Variants in EXD3 observed in about 807,000 individuals in gnomAD.
The protein encoded by EXD3 is exonuclease 3'-5' domain containing 3.
In EXD3, 92 loss-of-function variants were observed where a neutral mutation model predicts 98.0. The observed-to-expected ratio is 0.94, with a 90% CI of 0.79 to 1.12. The LOEUF is 1.12. Ranked by LOEUF, EXD3 falls within the 50% of genes most tolerant of loss-of-function variation. The probability of loss-of-function intolerance (pLI) is 0.00; values close to 1 mark genes in which losing one functional copy is unlikely to be tolerated. For missense variants in EXD3, 1,222 were observed against 1,191.6 expected, an observed-to-expected ratio of 1.03 and a Z score of -0.38; for synonymous variants, 569 against 526.0, an observed-to-expected ratio of 1.08 and a Z score of -1.12.
In EXD3 at chr9:137,324,603, TG is replaced by T. The variant is rs1176702575; in HGVS notation, c.1999-461del. On this transcript the variant is annotated intron_variant, in intron 17 of 21. Transcript: ENST00000340951. This position sits in a 1 kb window ranked among gnomAD's most constrained non-coding sequence, Gnocchi z 4.1. Reference sequence around the variant, plus strand: ...ACGTGGCTCTTCCCAAAGCTTTGTATGAACTGTGGCATAAAACAGATGGATC... The same window carrying T: ...ACGTGGCTCTTCCCAAAGCTTTGTATAACTGTGGCATAAAACAGATGGATC... 1.3e-5 allele frequency among the ~76,000 whole-genome samples: 2 copies of T among 152,224 alleles called. No individual in the cohort carries two copies. Among genetic ancestry groups the T allele is most frequent in the African/African-American group, 4.8e-5 (2 of 41,454 alleles).
At chr9:137,313,727 G>A (rs796272634) in intron 19 of EXD3, among the ~76,000 whole-genome samples, 1 of 152,200 alleles carries the variant, frequency 6.6e-6, no homozygotes, top group Non-Finnish European at 1.5e-5. Flanking sequence ...GGCAGGTCCA[G>A]GAGGAGTCAA....
intron 3 of EXD3, among the ~76,000 whole-genome samples, chr9:137,379,983 C>T (rs906254752): frequency 1.3e-5 from 2 of 151,966 alleles, no homozygotes; most frequent in African/African-American, 2.4e-5. Context: ...CCCCTGCCAG[C>T]CTCAGGGTCC....
intron 10 of EXD3, chr9:137,353,093 C>T (rs1834395672): frequency 8.1e-7 from 1 of 1,232,542 alleles, no homozygotes; most frequent in South Asian, 1.8e-5. Flanking sequence ...GCTGGCCCCT[C>T]CTGGCCTCCA....
At chr9:137,356,456 ATAGTT>A (rs1834796784) in intron 7 of EXD3, 88 bp from the exon 8 acceptor site, 1 of 899,774 alleles carries the variant, frequency 1.1e-6, no homozygotes, top group African/African-American at 1.7e-5. Flanking sequence ...ATATGCATGC[ATAGTT>A]TAAACCTCAA....
At chr9:137,322,309 C>A (rs372623376) in intron 19 of EXD3, among the ~76,000 whole-genome samples, 1 of 152,134 alleles carries the variant, frequency 6.6e-6, no homozygotes, top group Non-Finnish European at 1.5e-5. Context: ...TGCCAGCCTG[C>A]ACTAGGGATG....
At chr9:137,372,654 G>C (rs564247046) in intron 5 of EXD3, among the ~76,000 whole-genome samples, 11 of 152,310 alleles carry the variant, frequency 7.2e-5, no homozygotes, top group Admixed American at 2.6e-4. Flanking sequence ...ACACAGGGTC[G>C]GCAGGGGGAG....
At chr9:137,406,392 G>C (rs2131809610) in intron 1 of EXD3, among the ~76,000 whole-genome samples, 1 of 152,290 alleles carries the variant, frequency 6.6e-6, no homozygotes, top group South Asian at 2.1e-4. Flanking sequence ...CTGGAGCTGA[G>C]AGCTGGGGGC....
chr9:137,356,502 C>T (rs571639088), intron 7 of EXD3, 134 bp from the exon 8 acceptor site: 24 of 629,522 alleles, frequency 3.8e-5, no homozygotes, highest in African/African-American at 1.3e-4. Context: ...CAGGCGTCAC[C>T]GCCCCCCGCC....
Position 137,395,668 on chromosome 9 carries a change from G to C in EXD3, c.-47-264C>G, listed in dbSNP as rs1304106252. ...GAGGGCAGGGGGTGGGAGGGGCCCT[G>C]GGGGGGGGCACAGTAGACAGACCCT... On this transcript the variant is annotated intron_variant, in intron 1 of 21. Coordinates refer to ENST00000340951, the MANE Select transcript of EXD3 (RefSeq NM_017820.5). This position sits in a 1 kb window ranked among gnomAD's most constrained non-coding sequence, Gnocchi z 6.5. 6.6e-6 allele frequency among the ~76,000 whole-genome samples: 1 copy of C among 151,074 alleles called. No individual in the cohort carries two copies. Among genetic ancestry groups the C allele is most frequent in the East Asian group, 2.0e-4 (1 of 5,118 alleles).
In EXD3 at chr9:137,359,456, C is replaced by T. The variant is rs1030235222; in HGVS notation, c.657-3088G>A. On this transcript the variant is annotated intron_variant, in intron 7 of 21. Coordinates refer to ENST00000340951, the MANE Select transcript of EXD3 (RefSeq NM_017820.5). ...GGGAGGCTGAGGCAGGAGGATCGCT[C>T]GAGCCGAGGAGGTTGAGTCTGCAGT... 2.3e-4 allele frequency among the ~76,000 whole-genome samples: 19 copies of T among 81,610 alleles called. 6 individuals carry two copies. The highest frequency in any genetic ancestry group is 4.2e-4 in the Non-Finnish European group (14 of 33,422). 53.5% of individuals were successfully genotyped at this position (81,610 alleles called of 152,430 possible).
intron 17 of EXD3, among the ~76,000 whole-genome samples, chr9:137,330,572 A>AGCTACACAGG (rs1564482210): frequency 1.3e-5 from 1 of 74,800 alleles, no homozygotes; most frequent in Non-Finnish European, 3.1e-5. Context: ...GCTCCACAGG[A>AGCTACACAGG]GCTACACAGG....
rs899444723 is a variant in EXD3 at position 137,328,586 on chromosome 9, A to G, written c.1999-4443T>C. ...AACAGACTAGTTACACAGGAGCTAC[A>G]CGGGACTACACGGGACTACACGGGG... On this transcript the variant is annotated intron_variant, in intron 17 of 21. Coordinates refer to ENST00000340951, the MANE Select transcript of EXD3 (RefSeq NM_017820.5). 1.8e-3 allele frequency among the ~76,000 whole-genome samples: 36 copies of G among 19,920 alleles called. 4 individuals are homozygous for G. The highest frequency in any genetic ancestry group is 7.3e-3 in the African/African-American group (33 of 4,548). 13.1% of individuals were successfully genotyped at this position (19,920 alleles called of 152,430 possible). A position where few individuals can be genotyped will look rare whatever the true frequency, so the allele number is the denominator to read the frequency against.
chr9:137,399,286 T>A (rs545933975), intron 1 of EXD3, among the ~76,000 whole-genome samples: 1 of 152,330 alleles, frequency 6.6e-6, no homozygotes, highest in East Asian at 1.9e-4. Context: ...AGGACGGACA[T>A]GGTGTGGTCC....
rs149420813 is a variant in EXD3, at chr9:137,324,724, G to C, written c.1999-581C>G. On this transcript the variant is annotated intron_variant, in intron 17 of 21. Coordinates refer to ENST00000340951, the MANE Select transcript of EXD3 (RefSeq NM_017820.5). The surrounding 1 kb of genome is among the most constrained non-coding windows in gnomAD (Gnocchi z 4.1). The stretch of plus-strand genomic sequence containing the variant: ...TTTTTTGTTTTTTAGACGGAGTCTC[G>C]CTCTTTCGCCCAGGCCGGAGTGCAG... Among the ~76,000 whole-genome samples, 44 of 152,160 alleles carry C rather than the reference G, an allele frequency of 2.9e-4. No individual in the cohort carries two copies. The highest frequency in any genetic ancestry group is 4.3e-4 in the Non-Finnish European group (29 of 68,026).
chr9:137,329,193 C>G, intron 17 of EXD3, among the ~76,000 whole-genome samples: 1 of 14,110 alleles, frequency 7.1e-5, no homozygotes, highest in Non-Finnish European at 1.0e-4. Context: ...CGGGACTACA[C>G]GGGGCTACAC....
chr9:137,351,235 G>C, intron 13 of EXD3, 83 bp downstream of exon 13: 2 of 1,535,606 alleles, frequency 1.3e-6, no homozygotes, highest in Non-Finnish European at 1.8e-6. Context: ...CACCCTCCCC[G>C]GGGCACACGG....
chr9:137,318,963 C>T (rs1001130877), intron 19 of EXD3, among the ~76,000 whole-genome samples: 2 of 152,262 alleles, frequency 1.3e-5, no homozygotes, highest in Non-Finnish European at 2.9e-5. Flanking sequence ...CTCTGGGAAC[C>T]CTGCACGTTG....
intron 8 of EXD3, among the ~76,000 whole-genome samples, chr9:137,356,035 A>C: frequency 6.6e-6 from 1 of 152,198 alleles, no homozygotes; most frequent in East Asian, 1.9e-4. Flanking sequence ...GGAGCCGCCT[A>C]GGTGGGCAGA....
At chr9:137,398,882 A>ACGTG in intron 1 of EXD3, among the ~76,000 whole-genome samples, 1 of 148,166 alleles carries the variant, frequency 6.7e-6, no homozygotes, top group African/African-American at 2.5e-5. Flanking sequence ...CCCGTGACAC[A>ACGTG]CATGCACCCG....
Sources: gnomAD v4.1 joint callset for allele counts (sites outside exome capture counted in the v4.1 genomes callset) on GRCh38, gnomAD v4.1.1 for gene constraint, Gnocchi (gnomAD v3.1) non-coding constraint, MANE v1.5 for transcripts, NCBI Gene and HGNC (gene_info 2026-07-23, HGNC 2026-07-21) for gene names.